The following SCHIP1 variants were observed in gnomAD, a reference collection of about 807,000 sequenced individuals.
SCHIP1 encodes schwannomin interacting protein 1, also known as schwannomin-interacting protein 1.
Under a neutral mutation model 29.7 loss-of-function variants are expected in SCHIP1, and 8 were observed. The observed-to-expected ratio is 0.27, with a 90% confidence interval of 0.16 to 0.49. The LOEUF (loss-of-function observed/expected upper bound fraction) is 0.49, where lower values mean the gene tolerates loss of function less well. Ranked by LOEUF, SCHIP1 falls within the 20% of genes least tolerant of loss-of-function variation. The probability of loss-of-function intolerance (pLI) is 0.99; values close to 1 mark genes in which losing one functional copy is unlikely to be tolerated. For synonymous variants in SCHIP1, 76 were observed against 94.9 expected, an observed-to-expected ratio of 0.80 and a Z score of 1.16; for missense variants, 193 against 294.6, an observed-to-expected ratio of 0.66 and a Z score of 2.52.
the SCHIP1 span, among the ~76,000 whole-genome samples, chr3:159,537,760 G>C: frequency 6.6e-6 from 1 of 152,032 alleles, no homozygotes; most frequent in East Asian, 1.9e-4. Flanking sequence ...ATTTACATTT[G>C]TTAAAAAGTA....
At chr3:159,566,213 CCT>C in the SCHIP1 span, among the ~76,000 whole-genome samples, 1 of 152,188 alleles carries the variant, frequency 6.6e-6, no homozygotes, top group Non-Finnish European at 1.5e-5. Flanking sequence ...AAGTTCCTCA[CCT>C]CTCTGTGTCT....
At chr3:159,558,103 G>A in the SCHIP1 span, among the ~76,000 whole-genome samples, 1 of 152,178 alleles carries the variant, frequency 6.6e-6, no homozygotes, top group South Asian at 2.1e-4. Context: ...CATGTAGGAA[G>A]GTGCCTGTGG....
the SCHIP1 span, among the ~76,000 whole-genome samples, chr3:159,678,334 G>A: frequency 6.6e-6 from 1 of 152,186 alleles, no homozygotes; most frequent in South Asian, 2.1e-4. Context: ...ACTGAGAAAT[G>A]AATGATTGAT....
the SCHIP1 span, among the ~76,000 whole-genome samples, chr3:159,444,977 A>G: frequency 6.6e-6 from 1 of 152,186 alleles, no homozygotes; most frequent in Non-Finnish European, 1.5e-5. Flanking sequence ...CAAGGACTTC[A>G]TGTCTAAAAC....
the SCHIP1 span, among the ~76,000 whole-genome samples, chr3:159,787,871 C>G: frequency 2.0e-5 from 3 of 152,300 alleles, no homozygotes; most frequent in East Asian, 5.8e-4. Context: ...GGACCAACTT[C>G]CCTCATCTGA....
chr3:159,375,802 G>GGAAAA, the SCHIP1 span: 1 of 886,478 alleles, frequency 1.1e-6, no homozygotes, highest in Non-Finnish European at 1.4e-6. Context: ...TTTGGAGTTG[G>GGAAAA]GAAAAGTAAA....
chr3:159,315,076 T>C, the SCHIP1 span, among the ~76,000 whole-genome samples: 1 of 152,202 alleles, frequency 6.6e-6, no homozygotes, highest in Non-Finnish European at 1.5e-5. Context: ...TTAGTAGCTA[T>C]TGCGAAAAGC....
chr3:159,446,319 G>A, the SCHIP1 span, among the ~76,000 whole-genome samples: 2 of 152,106 alleles, frequency 1.3e-5, no homozygotes, highest in African/African-American at 4.8e-5. Context: ...GTGTGCAACA[G>A]GATATAACTT....
chr3:159,273,780 A>C, the SCHIP1 span: 3 of 1,610,032 alleles, frequency 1.9e-6, no homozygotes, highest in Non-Finnish European at 2.5e-6. Context: ...TGAATAAACA[A>C]CTCTTCCCTC....
the SCHIP1 span, among the ~76,000 whole-genome samples, chr3:159,777,784 C>T: frequency 5.7e-3 from 864 of 152,222 alleles, 11 homozygotes; most frequent in African/African-American, 0.02. Flanking sequence ...TCTAATGAAA[C>T]TTCAATATTG....
chr3:159,726,913 G>GA, the SCHIP1 span, among the ~76,000 whole-genome samples: 1 of 152,126 alleles, frequency 6.6e-6, no homozygotes, highest in African/African-American at 2.4e-5. Flanking sequence ...CGGAACTTGA[G>GA]ATCACTTTAT....
At chr3:159,577,453 A>T in the SCHIP1 span, among the ~76,000 whole-genome samples, 16 of 152,224 alleles carry the variant, frequency 1.1e-4, no homozygotes, top group Non-Finnish European at 1.8e-4. Context: ...ATATCACAAA[A>T]TTCCAGAGAA....
chr3:159,378,646 A>G, the SCHIP1 span, among the ~76,000 whole-genome samples: 1 of 152,198 alleles, frequency 6.6e-6, no homozygotes, highest in Non-Finnish European at 1.5e-5. Context: ...AACTCCCGGT[A>G]TAGCACTCTC....
At chr3:159,840,275 C>A in intron 1 of SCHIP1, 1 of 1,411,160 alleles carries the variant, frequency 7.1e-7, no homozygotes, top group Non-Finnish European at 9.7e-7. Context: ...CTTCCTCTTC[C>A]AAAGCAGCAG....
At chr3:159,848,494 A>G (rs556157653) in intron 1 of SCHIP1, among the ~76,000 whole-genome samples, 1 of 152,276 alleles carries the variant, frequency 6.6e-6, no homozygotes, top group East Asian at 1.9e-4. Context: ...TTTGGACCAC[A>G]TGGAAGTGAA....
At chr3:159,335,275 C>A in the SCHIP1 span, among the ~76,000 whole-genome samples, 1 of 152,254 alleles carries the variant, frequency 6.6e-6, no homozygotes, top group East Asian at 1.9e-4. Context: ...TATGAGAGAT[C>A]CAACTCTGCC....
At chr3:159,571,998 C>A in the SCHIP1 span, among the ~76,000 whole-genome samples, 6 of 152,020 alleles carry the variant, frequency 3.9e-5, no homozygotes, top group Non-Finnish European at 1.5e-5. Context: ...TTTATTGCGT[C>A]TATTTGATTC....
chr3:159,536,825 A>G, the SCHIP1 span, among the ~76,000 whole-genome samples: 6 of 152,248 alleles, frequency 3.9e-5, no homozygotes, highest in East Asian at 1.2e-3. Flanking sequence ...AGTAAATTAT[A>G]TCAAAAACAA....
intron 2 of SCHIP1, among the ~76,000 whole-genome samples, chr3:159,882,229 T>C (rs1391540902): frequency 6.6e-6 from 1 of 152,202 alleles, no homozygotes; most frequent in Non-Finnish European, 1.5e-5. Flanking sequence ...AGTAACTATA[T>C]CTTGCCTGTA....
Sources: allele counts gnomAD v4.1 joint callset (sites outside exome capture counted in the v4.1 genomes callset), GRCh38; gene constraint gnomAD v4.1.1; transcripts MANE v1.5; gene names NCBI Gene and HGNC (gene_info 2026-07-23, HGNC 2026-07-21).